DPP10: variants seen among roughly 807,000 people sequenced by gnomAD.
DPP10 encodes dipeptidyl peptidase like 10.
DPP10 carries 33 observed loss-of-function variants against 120.9 expected under a neutral mutation model. That is an observed-to-expected ratio of 0.27 (90% CI 0.21 to 0.37). The LOEUF is 0.37. Ranked by LOEUF, DPP10 falls within the 10% of genes least tolerant of loss-of-function variation. The probability of loss-of-function intolerance (pLI) is 1.00; values close to 1 mark genes in which losing one functional copy is unlikely to be tolerated. For missense variants in DPP10, 816 were observed against 942.8 expected (o/e 0.87, Z 1.76); for synonymous variants, 337 against 326.1 (o/e 1.03, Z -0.36).
chr2:115,264,385 G>T (rs2059376679), intron 1 of DPP10, among the ~76,000 whole-genome samples: 1 of 152,126 alleles, frequency 6.6e-6, no homozygotes. Context: ...CCTATCCTTT[G>T]CTGGGGAATA....
At chr2:115,335,713 G>C (rs1574470965) in intron 2 of DPP10, among the ~76,000 whole-genome samples, 1 of 152,026 alleles carries the variant, frequency 6.6e-6, no homozygotes, top group Admixed American at 6.6e-5. Flanking sequence ...GCTGTGCAAG[G>C]AGGGGTAGAA....
intron 7 of DPP10, among the ~76,000 whole-genome samples, chr2:115,698,909 A>G (rs1185860442): frequency 6.6e-6 from 1 of 152,016 alleles, no homozygotes; most frequent in Admixed American, 6.6e-5. Flanking sequence ...ACTAAACCTA[A>G]AGATAGTAGA....
At chr2:115,375,115 A>G (rs1382411955) in intron 3 of DPP10, among the ~76,000 whole-genome samples, 2 of 152,200 alleles carry the variant, frequency 1.3e-5, no homozygotes, top group East Asian at 1.9e-4. Flanking sequence ...CCAAACTTTT[A>G]TGCTCTTTTT....
intron 1 of DPP10, among the ~76,000 whole-genome samples, chr2:115,101,173 A>G (rs1301287977): frequency 5.9e-5 from 9 of 152,142 alleles, no homozygotes; most frequent in Non-Finnish European, 1.2e-4. Flanking sequence ...CTGATTACAC[A>G]TCATAGTTGT....
intron 3 of DPP10, among the ~76,000 whole-genome samples, chr2:115,448,514 A>C (rs1300865720): frequency 6.6e-6 from 1 of 152,190 alleles, no homozygotes; most frequent in Non-Finnish European, 1.5e-5. Flanking sequence ...AATTCAAGAC[A>C]TAATCCTGAT....
chr2:115,285,817 C>T (rs1160057975), intron 1 of DPP10, among the ~76,000 whole-genome samples: 1 of 151,942 alleles, frequency 6.6e-6, no homozygotes, highest in African/African-American at 2.4e-5. Flanking sequence ...TTCTTTTGCC[C>T]TATAGTCACA....
At chr2:115,377,884 A>T (rs2065940857) in intron 3 of DPP10, among the ~76,000 whole-genome samples, 1 of 152,062 alleles carries the variant, frequency 6.6e-6, no homozygotes, top group Non-Finnish European at 1.5e-5. Flanking sequence ...ATTATTTCTG[A>T]GGGCTCTGTT....
chr2:115,304,276 A>T (rs1406266873), intron 1 of DPP10, among the ~76,000 whole-genome samples: 1 of 151,990 alleles, frequency 6.6e-6, no homozygotes, highest in East Asian at 1.9e-4. Flanking sequence ...AGATGTATTG[A>T]AGCAAGTCAA....
At chr2:114,926,181 G>A (rs1476803550) in intron 1 of DPP10, among the ~76,000 whole-genome samples, 1 of 152,060 alleles carries the variant, frequency 6.6e-6, no homozygotes, top group Non-Finnish European at 1.5e-5. Context: ...TTCCTCCCAA[G>A]TGCCTTTATA....
At chr2:115,001,655 C>A (rs1410859281) in intron 1 of DPP10, among the ~76,000 whole-genome samples, 1 of 152,154 alleles carries the variant, frequency 6.6e-6, no homozygotes, top group Non-Finnish European at 1.5e-5. Context: ...ATGGTCTCTG[C>A]TCCCAAGCTC....
At chr2:115,688,897 T>G (rs572512723) in intron 5 of DPP10, among the ~76,000 whole-genome samples, 2 of 152,174 alleles carry the variant, frequency 1.3e-5, no homozygotes, top group South Asian at 4.1e-4. Flanking sequence ...GTGTGGAGAG[T>G]GTTATCTCAC....
chr2:114,950,652 C>T (rs994649530), intron 1 of DPP10, among the ~76,000 whole-genome samples: 3 of 151,814 alleles, frequency 2.0e-5, no homozygotes, highest in Non-Finnish European at 4.4e-5. Flanking sequence ...TCTATCTTCA[C>T]AGTGTACTTA....
intron 1 of DPP10, among the ~76,000 whole-genome samples, chr2:115,274,501 A>G (rs1406098108): frequency 6.6e-6 from 1 of 152,078 alleles, no homozygotes; most frequent in Non-Finnish European, 1.5e-5. Flanking sequence ...GATCCTCCAG[A>G]GCTCTGATGG....
intron 1 of DPP10, among the ~76,000 whole-genome samples, chr2:114,872,674 C>T (rs1489481750): frequency 2.0e-5 from 3 of 152,108 alleles, no homozygotes; most frequent in Non-Finnish European, 1.5e-5. Context: ...CTTTCATGTA[C>T]ATCTCTTTTT....
At chr2:115,357,761 G>A (rs760784596) in intron 3 of DPP10, among the ~76,000 whole-genome samples, 44 of 152,124 alleles carry the variant, frequency 2.9e-4, no homozygotes, top group Non-Finnish European at 5.0e-4. Context: ...ACTTCTGCCC[G>A]GACATCTAGG....
intron 14 of DPP10, 39 bp downstream of exon 14, chr2:115,777,338 C>G (rs988317837): frequency 5.8e-6 from 9 of 1,546,366 alleles, no homozygotes; most frequent in Non-Finnish European, 7.1e-6. Context: ...TGCAAGTTAG[C>G]GTTGTCAAAT....
At chr2:114,539,633 G>A (rs981306547) in intron 1 of DPP10, among the ~76,000 whole-genome samples, 6 of 152,148 alleles carry the variant, frequency 3.9e-5, no homozygotes, top group Non-Finnish European at 8.8e-5. Context: ...TCTCTGACCT[G>A]CTCTACGTTC....
chr2:115,671,419 A>C (rs2149441845), intron 5 of DPP10, among the ~76,000 whole-genome samples: 1 of 152,126 alleles, frequency 6.6e-6, no homozygotes, highest in African/African-American at 2.4e-5. Flanking sequence ...CTTAAATAAA[A>C]AATTAAATTA....
At chr2:115,465,466 A>G (rs58945724) in intron 3 of DPP10, among the ~76,000 whole-genome samples, 3,778 of 152,308 alleles carry the variant, frequency 0.025, 152 homozygotes, top group African/African-American at 0.085. Flanking sequence ...GCAATATTGA[A>G]TATCCTTGCC....
Sources: allele counts gnomAD v4.1 joint callset (sites outside exome capture counted in the v4.1 genomes callset), GRCh38; gene constraint gnomAD v4.1.1; transcripts MANE v1.5; gene names NCBI Gene and HGNC (gene_info 2026-07-23, HGNC 2026-07-21).